The following FLNA variants were observed in gnomAD, a reference collection of about 807,000 sequenced individuals.
FLNA encodes filamin A, also known as filamin-A.
In FLNA, 7 loss-of-function variants were observed where a neutral mutation model predicts 157.6. The observed-to-expected ratio is 0.04, with a 90% CI of 0.03 to 0.08. The LOEUF (loss-of-function observed/expected upper bound fraction) is 0.08, where lower values mean the gene tolerates loss of function less well. Among genes scored for constraint, FLNA ranks in the 10% least tolerant of loss-of-function variants. The probability of loss-of-function intolerance (pLI) is 1.00; values close to 1 mark genes in which losing one functional copy is unlikely to be tolerated. For missense variants in FLNA, 1,750 were observed against 2,398.4 expected (o/e 0.73, Z 5.65); for synonymous variants, 1,103 against 1,060.8 (o/e 1.04, Z -0.77).
At position 154,354,435 on chromosome X, in the gene FLNA, GGCT is replaced by G; in HGVS notation, c.5359_5361del (p.Ser1787del). Reference sequence around the variant, plus strand: ...GGGATGACAAGGTCAAAGGGCCTCAGGCTGGTCACATCCAGCCCATTGACACCC... The same window carrying G: ...GGGATGACAAGGTCAAAGGGCCTCAGGGTCACATCCAGCCCATTGACACCC... On this transcript the variant is annotated inframe_deletion, in exon 33 of 48. Transcript: ENST00000369850. 8.3e-7 allele frequency: 1 copy of G among 1,211,994 alleles called. No individual in the cohort carries two copies. Among genetic ancestry groups the G allele is most frequent in the Non-Finnish European group, 1.1e-6 (1 of 895,588 alleles).
chrX:154,351,519 C>T (rs1190732702), intron 43 of FLNA, 62 bp downstream of exon 43: 5 of 778,654 alleles, frequency 6.4e-6, no homozygotes, highest in South Asian at 2.1e-5. Context: ...CTGGTCTCTG[C>T]GGTGGCTCTG....
Position 154,365,141 on chromosome X carries a change from C to G in FLNA, c.1686G>C (p.Gly562=). ...VTITWGGQNI[G]RSPFEVKVGT... is the part of the protein sequence containing the mutation. Reference sequence around the variant, plus strand: ...GGGATGCCTGGGGGCCTCACCTGCGCCCGATGTTCTGACCACCCCACGTGA... The same window carrying G: ...GGGATGCCTGGGGGCCTCACCTGCGGCCGATGTTCTGACCACCCCACGTGA... Residue 562 remains glycine, a synonymous_variant, in exon 11 of 48, where the codon GGG becomes GGC. Coordinates refer to ENST00000369850, the MANE Select transcript of FLNA (RefSeq NM_001110556.2). 1 of 1,211,793 alleles carries G rather than the reference C, an allele frequency of 8.3e-7. No individual in the cohort carries two copies. Among genetic ancestry groups the G allele is most frequent in the Admixed American group, 2.2e-5 (1 of 46,108 alleles).
chrX:154,351,149 G>A (rs1052038029), intron 43 of FLNA, 108 bp from the exon 44 acceptor site: 36 of 919,034 alleles, frequency 3.9e-5, no homozygotes, highest in Non-Finnish European at 5.1e-5. Flanking sequence ...CCCATCTGGC[G>A]TCCAACTTGG....
chrX:154,355,159 C>A (rs1324412403), intron 30 of FLNA, 87 bp from the exon 31 acceptor site: 2 of 997,769 alleles, frequency 2.0e-6, no homozygotes, highest in Non-Finnish European at 1.4e-6. Flanking sequence ...CCCACACAGG[C>A]CTCTCATTGC....
At position 154,358,243 on chromosome X, in the gene FLNA, C is replaced by T. The variant is rs190415098; in HGVS notation, c.4711G>A (p.Asp1571Asn). 4.5e-5 allele frequency: 54 copies of T among 1,209,701 alleles called. No homozygotes were observed. In the East Asian group the frequency reaches 5.9e-4, roughly 13 times the overall value. ...PASLPVEFTI[D>N]AKDAGEGLLA... Reference sequence around the variant, plus strand: ...AGGCCCTCCCCGGCGTCCTTTGCATCGATGGTGAACTCCACGGGCAGGCTG... The same window carrying T: ...AGGCCCTCCCCGGCGTCCTTTGCATTGATGGTGAACTCCACGGGCAGGCTG... The change falls in exon 28 of 48, where the codon GAT (aspartate) becomes AAT (asparagine). Residue 1571 changes from aspartate to asparagine, a missense_variant. By Grantham distance (23) the Asp-to-Asn change is conservative. This residue lies in a region of FLNA where 970 missense variants were observed against 1,302.6 expected (regional missense o/e 0.74). Transcript: ENST00000369850.
chrX:154,367,382 G>A lies in FLNA; in HGVS notation c.868+15C>T, dbSNP rs1439634337. 4 of 1,210,446 alleles carry A rather than the reference G, an allele frequency of 3.3e-6. No individual in the cohort carries two copies. The highest frequency in any genetic ancestry group is 4.5e-6 in the Non-Finnish European group (4 of 894,750). On this transcript the variant is annotated intron_variant, in intron 5 of 47. Coordinates refer to ENST00000369850, the MANE Select transcript of FLNA (RefSeq NM_001110556.2). ...ACGTTGGCACACGGGTGCACCCCTG[G>A]TGGGGCTCCCTCACCTGGCCCGTAG...
At chrX:154,363,565 T>C (rs1344715626) in intron 15 of FLNA, among the ~76,000 whole-genome samples, 1 of 109,855 alleles carries the variant, frequency 9.1e-6, no homozygotes, top group Non-Finnish European at 1.9e-5. Context: ...ATACAAAAAA[T>C]TAGCCGGGGG....
chrX:154,365,552 A>G, intron 9 of FLNA, 66 bp from the exon 10 acceptor site: 2 of 1,158,996 alleles, frequency 1.7e-6, no homozygotes, highest in Non-Finnish European at 2.3e-6. Flanking sequence ...TGCCTCCCAC[A>G]GGGCCGGGCT....
rs34190826 is a variant in FLNA at position 154,361,195 on chromosome X, G to GA, written c.3207+112dup. The GA allele has an allele frequency of 0.073, 39,559 of 541,378 alleles. 484 individuals carry two copies. Among genetic ancestry groups the GA allele is most frequent in the African/African-American group, 0.2 (6,345 of 31,382 alleles). 44.6% of individuals were successfully genotyped at this position (541,378 alleles called of 1,213,427 possible). On this transcript the variant is annotated intron_variant, in intron 21 of 47. Coordinates refer to ENST00000369850, the MANE Select transcript of FLNA (RefSeq NM_001110556.2). ...GGTCAAGGTTGACAGTCTGTCTCAG[G>GA]AAAAAAAAAAAAAAAAAAGGATTTA...
intron 47 of FLNA, 96 bp downstream of exon 47, chrX:154,349,266 C>G (rs1434261878): frequency 1.0e-6 from 1 of 969,247 alleles, no homozygotes; most frequent in Non-Finnish European, 1.5e-6. Flanking sequence ...GAAAGCCACG[C>G]CCCAAAGGCG....
rs2067639085 is a variant in FLNA at position 154,353,563 on chromosome X, G to A, written c.5851C>T (p.Arg1951Trp). ...QHVPGSPFTARVTGDDSMRMS... is the reference protein window; with the variant it reads ...QHVPGSPFTAWVTGDDSMRMS... ...TCCCAGTGCCACCCACCTGTGACCC[G>A]AGCAGTGAAGGGGCTGCCTGGGACG... Residue 1951 changes from arginine to tryptophan, a missense_variant, in exon 36 of 48, where the codon CGG becomes TGG. Transcript: ENST00000369850. 5 of 1,211,134 alleles carry A rather than the reference G, an allele frequency of 4.1e-6. No individual in the cohort carries two copies. The highest frequency in any genetic ancestry group is 3.5e-5 in the African/African-American group (2 of 57,892).
intron 30 of FLNA, among the ~76,000 whole-genome samples, chrX:154,356,604 C>A (rs903241811): frequency 2.2e-4 from 25 of 112,528 alleles, no homozygotes; most frequent in Non-Finnish European, 4.1e-4. Context: ...GCAGGTGACC[C>A]TCCATGCCTG....
intron 44 of FLNA, 145 bp from the exon 45 acceptor site, chrX:154,350,352 G>A (rs1206259492): frequency 4.1e-5 from 21 of 515,261 alleles, no homozygotes; most frequent in South Asian, 1.4e-4. Context: ...CCTGCACCCC[G>A]CAGCAGACCT....
Position 154,362,059 on chromosome X carries a change from T to C in FLNA, c.2746A>G (p.Lys916Glu), listed in dbSNP as rs781936113. 8.3e-7 allele frequency: 1 copy of C among 1,210,488 alleles called. No homozygotes were observed. Among genetic ancestry groups the C allele is most frequent in the Admixed American group, 2.2e-5 (1 of 46,023 alleles). ...TCCACATCTCGCACTGCATCCCCCTTGGTGAGTCCTGAGAACTGGACGTCC... is the reference window on the plus strand; with the variant it reads ...TCCACATCTCGCACTGCATCCCCCTCGGTGAGTCCTGAGAACTGGACGTCC... ...KLDVQFSGLT[K>E]GDAVRDVDII... The change falls in exon 19 of 48, where the codon AAG becomes GAG. Residue 916 changes from lysine to glutamate, a missense_variant. This residue lies in a region of FLNA where 648 missense variants were observed against 805.8 expected (regional missense o/e 0.80). Coordinates refer to ENST00000369850, the MANE Select transcript of FLNA (RefSeq NM_001110556.2).
intron 2 of FLNA, among the ~76,000 whole-genome samples, chrX:154,369,339 C>A (rs1012909658): frequency 8.9e-6 from 1 of 112,482 alleles, no homozygotes; most frequent in Admixed American, 9.3e-5. Context: ...CAGGCCCCCA[C>A]CCCAGTCCAG....
rs368227790 is a variant in FLNA at position 154,366,369 on chromosome X, G to A, written c.1167C>T (p.Pro389=). 4.1e-5 allele frequency: 50 copies of A among 1,210,886 alleles called. No individual in the cohort carries two copies. The highest frequency in any genetic ancestry group is 4.8e-5 in the Non-Finnish European group (43 of 895,316). The change falls in exon 8 of 48, where the codon CCC becomes CCT. Residue 389 remains proline (P), a synonymous_variant. Coordinates refer to ENST00000369850, the MANE Select transcript of FLNA (RefSeq NM_001110556.2). ...GDASKVTAQG[P]GLEPSGNIAN... ...CGATGTTGCCACTGGGCTCCAGGCCGGGACCTTGGGCTGTCACTTTGCTGG... is the reference window on the plus strand; with the variant it reads ...CGATGTTGCCACTGGGCTCCAGGCCAGGACCTTGGGCTGTCACTTTGCTGG...
chrX:154,370,844 C>G lies in FLNA; in HGVS notation c.373+29G>C, dbSNP rs782728389. On this transcript the variant is annotated intron_variant, in intron 2 of 47. Coordinates refer to ENST00000369850, the MANE Select transcript of FLNA (RefSeq NM_001110556.2). ...AGGACGCACGGAGTCCCCGCCCCCG[C>G]CCGCCCGGCGCTTCGGGGCGTCCCT... 2.5e-6 allele frequency: 3 copies of G among 1,206,430 alleles called. No homozygotes were observed. In the South Asian group the frequency reaches 5.3e-5, roughly 21 times the overall value.
intron 30 of FLNA, among the ~76,000 whole-genome samples, chrX:154,355,502 G>A (rs946242726): frequency 8.8e-6 from 1 of 113,415 alleles, no homozygotes; most frequent in Non-Finnish European, 1.9e-5. Context: ...CGGTGAGGCG[G>A]AGTCCTGCTG....
At chrX:154,364,232 T>C (rs2067737450) in intron 14 of FLNA, 27 bp downstream of exon 14, 1 of 1,208,203 alleles carries the variant, frequency 8.3e-7, no homozygotes, top group Non-Finnish European at 1.1e-6. Context: ...ACACCTGCCC[T>C]GCCCCCAACA....
Sources: allele counts gnomAD v4.1 joint callset (sites outside exome capture counted in the v4.1 genomes callset), GRCh38; gene constraint gnomAD v4.1.1; regional missense constraint gnomAD v4.1.1; transcripts MANE v1.5; gene names NCBI Gene and HGNC (gene_info 2026-07-23, HGNC 2026-07-21).